Variants in GRM4 observed in about 807,000 individuals in gnomAD.
GRM4 encodes glutamate metabotropic receptor 4, also known as metabotropic glutamate receptor 4.
GRM4 carries 28 observed loss-of-function variants against 81.7 expected under a neutral mutation model. The ratio of observed to expected loss-of-function variants is 0.34; its 90% CI spans 0.25 to 0.47. The LOEUF (loss-of-function observed/expected upper bound fraction) is 0.47. GRM4 is among the 20% of genes least tolerant of loss of function. The probability of loss-of-function intolerance (pLI) is 1.00; values close to 1 mark genes in which losing one functional copy is unlikely to be tolerated. For missense variants in GRM4, 948 were observed against 1,290.0 expected (o/e 0.73, Z 4.06); for synonymous variants, 488 against 528.8 (o/e 0.92, Z 1.06).
chr6:34,127,820 G>A (rs2127508092), intron 2 of GRM4, among the ~76,000 whole-genome samples: 1 of 152,292 alleles, frequency 6.6e-6, no homozygotes, highest in South Asian at 2.1e-4. Flanking sequence ...CAGTAGGGTG[G>A]GTGGGCTCTC....
chr6:34,057,132 T>G (rs1765937339), intron 5 of GRM4, among the ~76,000 whole-genome samples: 1 of 152,064 alleles, frequency 6.6e-6, no homozygotes, highest in African/African-American at 2.4e-5. Flanking sequence ...CTGGACCTTC[T>G]TCCTTCACAT....
rs776924581 is a variant in GRM4 at position 34,035,944 on chromosome 6, G to A, written c.2166C>T (p.Pro722=). The A allele has an allele frequency of 1.9e-6, 3 of 1,611,824 alleles. No homozygotes were observed. Among genetic ancestry groups the A allele is most frequent in the Admixed American group, 3.3e-5 (2 of 59,980 alleles). ...CCTGGAAGTCCACCACCGAGTGGGA[G>A]GGGTCCACCACAAACCACACACAGA... The part of the protein sequence containing the change: ...LGICVWFVVD[P]SHSVVDFQDQ... The change falls in exon 9 of 11, where the codon CCC becomes CCT. Residue 722 remains proline (P), a synonymous_variant. Transcript: ENST00000538487. This position sits in a 1 kb window ranked among gnomAD's most constrained non-coding sequence, Gnocchi z 6.6.
At chr6:34,107,188 T>C (rs1054916089) in intron 2 of GRM4, among the ~76,000 whole-genome samples, 3 of 152,202 alleles carry the variant, frequency 2.0e-5, no homozygotes, top group Non-Finnish European at 4.4e-5. Context: ...CGGCTGTCCT[T>C]GGACACTGGC....
intron 2 of GRM4, among the ~76,000 whole-genome samples, chr6:34,127,954 G>A (rs1770084448): frequency 6.6e-6 from 1 of 152,174 alleles, no homozygotes; most frequent in Non-Finnish European, 1.5e-5. Flanking sequence ...CCCGGCTCCA[G>A]AAGCAGCCAA....
At chr6:34,143,308 C>T (rs1044378846) in intron 1 of GRM4, among the ~76,000 whole-genome samples, 5 of 152,162 alleles carry the variant, frequency 3.3e-5, no homozygotes, top group Admixed American at 1.3e-4. Flanking sequence ...CCGCCCACCG[C>T]ACCCCAAGGA....
rs1326152170 is a variant in GRM4 at position 34,059,530 on chromosome 6, T to G, written c.873-402A>C. ...CCTTCCTGGCTCATCCACCCCCACA[T>G]TCCTTGCCCATTCTCACACGCATCC... On this transcript the variant is annotated intron_variant, in intron 4 of 10. Coordinates refer to ENST00000538487, the MANE Select transcript of GRM4 (RefSeq NM_000841.4). The surrounding 1 kb of genome is among the most constrained non-coding windows in gnomAD (Gnocchi z 5.7). 8.5e-6 allele frequency: 2 copies of G among 235,596 alleles called. No homozygotes were observed. Among genetic ancestry groups the G allele is most frequent in the Non-Finnish European group, 1.7e-5 (2 of 118,258 alleles). 14.6% of individuals were successfully genotyped at this position (235,596 alleles called of 1,614,324 possible).
At chr6:34,051,101 T>C (rs1360071780) in intron 6 of GRM4, among the ~76,000 whole-genome samples, 1 of 152,208 alleles carries the variant, frequency 6.6e-6, no homozygotes, top group Non-Finnish European at 1.5e-5. Flanking sequence ...CTCTTCAGGA[T>C]GCAGAGGTGG....
At position 34,080,365 on chromosome 6, in the gene GRM4, T is replaced by C. The variant is rs1767522935; in HGVS notation, c.736+11518A>G. 6.6e-6 allele frequency among the ~76,000 whole-genome samples: 1 copy of C among 152,208 alleles called. No individual in the cohort carries two copies. Among genetic ancestry groups the C allele is most frequent in the Non-Finnish European group, 1.5e-5 (1 of 68,024 alleles). ...ATCTCAAATTATAATTATACAGTGA[T>C]GTGTTTGCTTATTCACTGGAAGCTC... is the stretch of plus-strand genomic sequence containing the variant. On this transcript the variant is annotated intron_variant, in intron 3 of 10. Transcript: ENST00000538487. This position sits in a 1 kb window ranked among gnomAD's most constrained non-coding sequence, Gnocchi z 5.4.
rs1022697898 is a variant in GRM4 at position 34,152,842 on chromosome 6, G to A, written c.312+2237C>T. ...TGGAAGACAAGGGGGACAGGCAGGA[G>A]CAAGGTGGGAGGGTGGCTGGGGATG... is the stretch of plus-strand genomic sequence containing the variant. On this transcript the variant is annotated intron_variant, in intron 1 of 8. Transcript: ENST00000374177. The surrounding 1 kb of genome is among the most constrained non-coding windows in gnomAD (Gnocchi z 4.1). Among the ~76,000 whole-genome samples the A allele has an allele frequency of 3.3e-5, 5 of 151,634 alleles. No individual in the cohort carries two copies. Among genetic ancestry groups the A allele is most frequent in the African/African-American group, 1.2e-4 (5 of 41,370 alleles).
Position 34,019,684 on chromosome 6 carries a change from G to T in GRM4, c.*3137C>A, listed in dbSNP as rs1763802510. On this transcript the variant is annotated 3_prime_UTR_variant, in exon 11 of 11. Coordinates refer to ENST00000538487, the MANE Select transcript of GRM4 (RefSeq NM_000841.4). ...CACATACCCCCTGCACACAGCAAAGGTCTCTAGGGGCCGCTGGCTCCCTAT... is the reference window on the plus strand; with the variant it reads ...CACATACCCCCTGCACACAGCAAAGTTCTCTAGGGGCCGCTGGCTCCCTAT... The T allele has an allele frequency of 1.3e-5, 2 of 152,190 alleles. No homozygotes were observed. Among genetic ancestry groups the T allele is most frequent in the Non-Finnish European group, 2.9e-5 (2 of 68,042 alleles). 9.4% of individuals were successfully genotyped at this position (152,190 alleles called of 1,614,324 possible). A position where few individuals can be genotyped will look rare whatever the true frequency, so the allele number is the denominator to read the frequency against.
At chr6:34,024,739 C>T (rs529429973) in intron 10 of GRM4, 14 of 455,744 alleles carry the variant, frequency 3.1e-5, no homozygotes, top group East Asian at 2.8e-4. Flanking sequence ...TTCAAGCAGA[C>T]GATGAAGAAT....
intron 10 of GRM4, among the ~76,000 whole-genome samples, chr6:34,027,063 G>A (rs1207804863): frequency 3.3e-5 from 5 of 152,200 alleles, no homozygotes; most frequent in African/African-American, 1.2e-4. Context: ...GGGCCCCTCT[G>A]TCCCTTCCCC....
upstream of GRM4, among the ~76,000 whole-genome samples, chr6:34,150,437 A>C (rs1771022856): frequency 1.3e-5 from 2 of 151,874 alleles, no homozygotes; most frequent in Admixed American, 1.3e-4. Flanking sequence ...GTCTCTTCCC[A>C]CTTGCATGGA....
rs1164732779 is a variant in GRM4 at position 34,133,281 on chromosome 6, C to G, written c.216G>C (p.Lys72Asn). Residue 72 changes from lysine to asparagine, a missense_variant, in exon 2 of 11, where the codon AAG becomes AAC. Physicochemically the swap from Lys to Asn is moderately conservative, Grantham distance 94 (BLOSUM62 0). Coordinates refer to ENST00000538487, the MANE Select transcript of GRM4 (RefSeq NM_000841.4). This position sits in a 1 kb window ranked among gnomAD's most constrained non-coding sequence, Gnocchi z 6.5. ...SEGKPCGELKKEKGIHRLEAM... is the reference protein window; with the variant it reads ...SEGKPCGELKNEKGIHRLEAM... ...CCTCCAGCCGGTGGATGCCCTTTTCCTTCTTAAGTTCTCCACAGGGCTTGC... is the reference window on the plus strand; with the variant it reads ...CCTCCAGCCGGTGGATGCCCTTTTCGTTCTTAAGTTCTCCACAGGGCTTGC... The G allele has an allele frequency of 6.2e-7, 1 of 1,614,150 alleles. No homozygotes were observed. Among genetic ancestry groups the G allele is most frequent in the Non-Finnish European group, 8.5e-7 (1 of 1,180,026 alleles).
Position 34,036,218 on chromosome 6 carries a change from G to A in GRM4, c.1892C>T (p.Ala631Val), listed in dbSNP as rs765956334. 13 of 1,614,058 alleles carry A rather than the reference G, an allele frequency of 8.1e-6. No individual in the cohort carries two copies. Among genetic ancestry groups the A allele is most frequent in the South Asian group, 1.1e-5 (1 of 91,090 alleles). The part of the protein sequence containing the change: ...SGRELSYVLL[A>V]GIFLCYATTF... ...GGTGGCATAGCACAGGAAGATGCCT[G>A]CCAGCAGCACGTAGCTCAGTTCACG... The change falls in exon 9 of 11, where the codon GCA becomes GTA. Residue 631 changes from alanine (A) to valine (V), a missense_variant. Transcript: ENST00000538487. This position sits in a 1 kb window ranked among gnomAD's most constrained non-coding sequence, Gnocchi z 9.0.
At chr6:34,026,845 G>T (rs1248941522) in intron 10 of GRM4, among the ~76,000 whole-genome samples, 1 of 152,210 alleles carries the variant, frequency 6.6e-6, no homozygotes, top group Non-Finnish European at 1.5e-5. Flanking sequence ...CTGGGGAAAA[G>T]CATATCTGAC....
At chr6:34,122,655 G>A (rs1311924652) in intron 2 of GRM4, among the ~76,000 whole-genome samples, 4 of 151,960 alleles carry the variant, frequency 2.6e-5, no homozygotes, top group African/African-American at 2.4e-5. Flanking sequence ...ACTAAGGGGG[G>A]TCCACCCCTG....
At chr6:34,122,827 A>G (rs1456944115) in intron 2 of GRM4, among the ~76,000 whole-genome samples, 1 of 152,162 alleles carries the variant, frequency 6.6e-6, no homozygotes, top group Non-Finnish European at 1.5e-5. Context: ...TGCCCTCAAG[A>G]AACTCAGAAC....
At chr6:34,119,677 T>C (rs576214951) in intron 2 of GRM4, among the ~76,000 whole-genome samples, 1 of 152,342 alleles carries the variant, frequency 6.6e-6, no homozygotes, top group East Asian at 1.9e-4. Context: ...ACCGCAGTTC[T>C]GTCGGAGCCT....
Sources: allele counts gnomAD v4.1 joint callset (sites outside exome capture counted in the v4.1 genomes callset), GRCh38; gene constraint gnomAD v4.1.1; non-coding constraint Gnocchi (gnomAD v3.1); transcripts MANE v1.5; gene names NCBI Gene and HGNC (gene_info 2026-07-23, HGNC 2026-07-21).